The following NT5DC1 variants were observed in gnomAD, a reference collection of about 807,000 sequenced individuals.
NT5DC1 encodes the protein 5'-nucleotidase domain containing 1.
NT5DC1 carries 42 observed loss-of-function variants against 59.4 expected under a neutral mutation model. The observed-to-expected ratio is 0.71, with a 90% CI of 0.55 to 0.92. The LOEUF is 0.92. Ranked by LOEUF, NT5DC1 falls within the 40% of genes least tolerant of loss-of-function variation. The pLI is 0.00. For missense variants in NT5DC1, 501 were observed against 537.1 expected, an observed-to-expected ratio of 0.93 and a Z score of 0.66; for synonymous variants, 172 against 188.1, an observed-to-expected ratio of 0.91 and a Z score of 0.70.
At chr6:116,201,024 C>T (rs1166974146) in intron 6 of NT5DC1, among the ~76,000 whole-genome samples, 1 of 151,914 alleles carries the variant, frequency 6.6e-6, no homozygotes, top group African/African-American at 2.4e-5. Context: ...TATGGTAGCA[C>T]CCCACAGCAC....
intron 6 of NT5DC1, among the ~76,000 whole-genome samples, chr6:116,165,121 A>C (rs7762564): frequency 0.24 from 35,049 of 147,636 alleles, 4,730 homozygotes; most frequent in African/African-American, 0.34. Flanking sequence ...AAAAAAAATT[A>C]TTGGCTGGCA....
chr6:116,180,357 CT>C (rs1026961795), intron 6 of NT5DC1, among the ~76,000 whole-genome samples: 2 of 151,940 alleles, frequency 1.3e-5, no homozygotes, highest in Non-Finnish European at 2.9e-5. Flanking sequence ...GACAGTTTCT[CT>C]TTATAGAAGA....
chr6:116,188,441 C>T (rs2114487392), intron 6 of NT5DC1, among the ~76,000 whole-genome samples: 1 of 152,068 alleles, frequency 6.6e-6, no homozygotes, highest in East Asian at 1.9e-4. Context: ...GTGTGTCATA[C>T]AGTGACATTC....
chr6:116,138,087 AAAAG>A (rs886886930), intron 6 of NT5DC1, among the ~76,000 whole-genome samples: 2 of 152,192 alleles, frequency 1.3e-5, no homozygotes, highest in Admixed American at 6.5e-5. Flanking sequence ...AAAAAAAAAG[AAAAG>A]AAAGAAAATG....
At chr6:116,226,259 A>G (rs1781907638) in intron 8 of NT5DC1, among the ~76,000 whole-genome samples, 2 of 152,042 alleles carry the variant, frequency 1.3e-5, no homozygotes. Context: ...ATTTGTTTTT[A>G]TTTTTATTTT....
chr6:116,174,699 C>G (rs1473202875), intron 6 of NT5DC1, among the ~76,000 whole-genome samples: 3 of 152,126 alleles, frequency 2.0e-5, no homozygotes, highest in Non-Finnish European at 4.4e-5. Flanking sequence ...CTTGTTTTCT[C>G]TCCTTTCTAG....
chr6:116,179,639 AT>A (rs1373620405), intron 6 of NT5DC1, among the ~76,000 whole-genome samples: 5 of 152,126 alleles, frequency 3.3e-5, no homozygotes, highest in Admixed American at 6.6e-5. Context: ...TCCCAGTGTT[AT>A]CAAAAAGAAT....
intron 8 of NT5DC1, among the ~76,000 whole-genome samples, chr6:116,233,418 A>C (rs971263759): frequency 6.6e-6 from 1 of 152,208 alleles, no homozygotes; most frequent in Non-Finnish European, 1.5e-5. Context: ...TGAGCCTTAT[A>C]TAAAGATGCC....
chr6:116,106,373 A>G (rs1280685588), intron 2 of NT5DC1, 38 bp downstream of exon 2: 7 of 875,584 alleles, frequency 8.0e-6, no homozygotes, highest in Non-Finnish European at 1.3e-5. Flanking sequence ...AAGTCTGTAC[A>G]TTTCCTGTGG....
In NT5DC1 at chr6:116,108,336, G is replaced by T. The variant is rs944411204; in HGVS notation, c.186-28G>T. ...CTTAGGTTAGCTAAATATAGGAATT[G>T]ATTAATAATCAAACTTTCCTATTTC... is the stretch of plus-strand genomic sequence containing the variant. On this transcript the variant is annotated intron_variant, in intron 2 of 11. Coordinates refer to ENST00000319550, the MANE Select transcript of NT5DC1 (RefSeq NM_152729.3). 2.8e-6 allele frequency: 4 copies of T among 1,424,366 alleles called. No homozygotes were observed. The African/African-American group carries it at 4.2e-5, about 15-fold the overall frequency. 88.2% of individuals were successfully genotyped at this position (1,424,366 alleles called of 1,614,324 possible).
intron 6 of NT5DC1, among the ~76,000 whole-genome samples, chr6:116,150,202 T>C (rs183942097): frequency 1.3e-5 from 2 of 152,358 alleles, no homozygotes; most frequent in East Asian, 3.9e-4. Context: ...AACATTACTA[T>C]GGCTTTCACA....
intron 6 of NT5DC1, among the ~76,000 whole-genome samples, chr6:116,165,792 G>T (rs541153466): frequency 6.6e-5 from 10 of 152,328 alleles, no homozygotes; most frequent in African/African-American, 9.6e-5. Flanking sequence ...GCTCCCCAGG[G>T]ACCTGCTGGT....
Position 116,246,153 on chromosome 6 carries a change from T to A in NT5DC1, c.*2129T>A, listed in dbSNP as rs1052970425. 3 of 151,908 alleles carry A rather than the reference T, an allele frequency of 2.0e-5. No individual in the cohort carries two copies. Among genetic ancestry groups the A allele is most frequent in the South Asian group, 2.1e-4 (1 of 4,818 alleles). 9.4% of individuals were successfully genotyped at this position (151,908 alleles called of 1,614,324 possible). ...AAAGAAGTTATATGAAGCAAAAAAA[T>A]TGTATAAATGGACAGAAGACATGTA... On this transcript the variant is annotated 3_prime_UTR_variant, in exon 12 of 12. Coordinates refer to ENST00000319550, the MANE Select transcript of NT5DC1 (RefSeq NM_152729.3).
Position 116,223,086 on chromosome 6 carries a change from G to A in NT5DC1, c.757G>A (p.Gly253Ser), listed in dbSNP as rs1231780868. Residue 253 changes from glycine (G) to serine (S), a missense_variant, in exon 8 of 12, where the codon GGT becomes AGT. Transcript: ENST00000319550. ...DIVITNALKP[G>S]FFSHLPSQRP... ...TGTGATTACAAATGCATTGAAGCCT[G>A]GTTTCTTCTCCCACTTACCAAGTCA... 2 of 1,609,186 alleles carry A rather than the reference G, an allele frequency of 1.2e-6. No individual in the cohort carries two copies. Among genetic ancestry groups the A allele is most frequent in the Admixed American group, 1.7e-5 (1 of 59,896 alleles).
intron 6 of NT5DC1, chr6:116,120,645 G>GC (rs1349350653): frequency 6.5e-7 from 1 of 1,548,704 alleles, no homozygotes. Context: ...GGCCCTGGTG[G>GC]CCCGGTGGGT....
intron 6 of NT5DC1, among the ~76,000 whole-genome samples, chr6:116,192,112 G>A (rs966723261): frequency 6.6e-6 from 1 of 152,028 alleles, no homozygotes; most frequent in Non-Finnish European, 1.5e-5. Context: ...GACTTAATTA[G>A]GTGGTTAGAG....
intron 2 of NT5DC1, among the ~76,000 whole-genome samples, chr6:116,107,709 A>C (rs1778792022): frequency 6.6e-6 from 1 of 151,320 alleles, no homozygotes; most frequent in East Asian, 1.9e-4. Context: ...AGTAGCTGGG[A>C]CTACAGGCGC....
chr6:116,156,890 TCTC>T (rs1268361543), intron 6 of NT5DC1, among the ~76,000 whole-genome samples: 1 of 152,130 alleles, frequency 6.6e-6, no homozygotes, highest in East Asian at 1.9e-4. Flanking sequence ...CCCCTTTTGT[TCTC>T]CTCAGGAGCC....
intron 6 of NT5DC1, among the ~76,000 whole-genome samples, chr6:116,216,094 C>T (rs191433385): frequency 1.3e-5 from 2 of 152,088 alleles, no homozygotes; most frequent in Admixed American, 6.5e-5. Context: ...GAGTACCATG[C>T]TTAATTGGTA....
Sources: gnomAD v4.1 joint callset for allele counts (sites outside exome capture counted in the v4.1 genomes callset) on GRCh38, gnomAD v4.1.1 for gene constraint, MANE v1.5 for transcripts, NCBI Gene and HGNC (gene_info 2026-07-23, HGNC 2026-07-21) for gene names.